GRID1: variants seen among roughly 807,000 people sequenced by gnomAD.
GRID1 encodes the protein glutamate ionotropic receptor delta type subunit 1.
Under a neutral mutation model 98.0 loss-of-function variants are expected in GRID1, and 28 were observed. The ratio of observed to expected loss-of-function variants is 0.29; its 90% CI spans 0.21 to 0.39. The LOEUF (loss-of-function observed/expected upper bound fraction) is 0.39, where lower values mean the gene tolerates loss of function less well. Ranked by LOEUF, GRID1 falls within the 10% of genes least tolerant of loss-of-function variation. The probability of loss-of-function intolerance (pLI) is 1.00; values close to 1 mark genes in which losing one functional copy is unlikely to be tolerated. For synonymous variants in GRID1, 553 were observed against 538.5 expected (o/e 1.03, Z -0.37); for missense variants, 1,111 against 1,340.5 (o/e 0.83, Z 2.67).
chr10:85,930,934 G>A (rs760399327), intron 4 of GRID1, among the ~76,000 whole-genome samples: 3 of 151,934 alleles, frequency 2.0e-5, no homozygotes, highest in South Asian at 2.1e-4. Flanking sequence ...CTTGACCTCC[G>A]GGATCAAGCA....
chr10:86,071,407 C>T (rs1053193696), intron 4 of GRID1, among the ~76,000 whole-genome samples: 1 of 152,216 alleles, frequency 6.6e-6, no homozygotes, highest in African/African-American at 2.4e-5. Flanking sequence ...AGTTCCTTAA[C>T]CTCTGGGTCT....
chr10:85,862,278 T>C (rs1479890674), intron 6 of GRID1, among the ~76,000 whole-genome samples: 1 of 152,210 alleles, frequency 6.6e-6, no homozygotes, highest in Non-Finnish European at 1.5e-5. Flanking sequence ...CATAAATGGG[T>C]ATTTATGCAA....
intron 2 of GRID1, among the ~76,000 whole-genome samples, chr10:86,350,608 G>A (rs1405381244): frequency 1.3e-5 from 2 of 152,160 alleles, no homozygotes; most frequent in Non-Finnish European, 2.9e-5. Context: ...ATGATGCCCA[G>A]ACAGCTCTGG....
At chr10:85,656,049 C>T (rs60073295) in intron 12 of GRID1, among the ~76,000 whole-genome samples, 3,432 of 152,210 alleles carry the variant, frequency 0.023, 115 homozygotes, top group African/African-American at 0.078. Context: ...GCTCTTCTTC[C>T]GGAGAGTTAT....
intron 5 of GRID1, among the ~76,000 whole-genome samples, chr10:85,912,350 G>T (rs546155058): frequency 6.6e-6 from 1 of 152,302 alleles, no homozygotes; most frequent in South Asian, 2.1e-4. Context: ...AGGCCTATAG[G>T]AACTGTTGGT....
intron 4 of GRID1, among the ~76,000 whole-genome samples, chr10:86,049,561 G>A (rs2131904486): frequency 6.6e-6 from 1 of 152,308 alleles, no homozygotes; most frequent in South Asian, 2.1e-4. Flanking sequence ...CCTGGATAAG[G>A]CAAAGGCTGC....
intron 8 of GRID1, among the ~76,000 whole-genome samples, chr10:85,826,030 A>G (rs1346920626): frequency 6.6e-6 from 1 of 152,222 alleles, no homozygotes; most frequent in Non-Finnish European, 1.5e-5. Context: ...GTAAGTAGAT[A>G]AATACCCGCA....
chr10:86,139,019 G>T lies in GRID1; in HGVS notation c.526C>A (p.Arg176Ser). 1 of 1,610,094 alleles carries T rather than the reference G, an allele frequency of 6.2e-7. No individual in the cohort carries two copies. Among genetic ancestry groups the T allele is most frequent in the Non-Finnish European group, 8.5e-7 (1 of 1,176,358 alleles). ...TGGTCCAGAAAGCTTTGAAGCCCAC[G>T]GATATCTGAGCAGTGAGAGAAGAGG... ...VMFYDSEYDI[R>S]GLQSFLDQAS... The change falls in exon 4 of 16, where the codon CGT becomes AGT. Residue 176 changes from arginine (R) to serine (S), a missense_variant. By Grantham distance (110) the Arg-to-Ser change is moderately radical. Coordinates refer to ENST00000327946, the MANE Select transcript of GRID1 (RefSeq NM_017551.3).
intron 5 of GRID1, among the ~76,000 whole-genome samples, chr10:85,879,973 A>G (rs1291196534): frequency 2.0e-5 from 3 of 152,242 alleles, no homozygotes; most frequent in Non-Finnish European, 4.4e-5. Context: ...ACAAATTACC[A>G]TCAGAGAATA....
At chr10:85,871,436 A>T (rs1801396712) in intron 5 of GRID1, among the ~76,000 whole-genome samples, 1 of 152,170 alleles carries the variant, frequency 6.6e-6, no homozygotes, top group South Asian at 2.1e-4. Flanking sequence ...ATAAGCCAAC[A>T]ATTTCAGTGA....
At chr10:85,771,273 G>A (rs573136034) in intron 8 of GRID1, among the ~76,000 whole-genome samples, 1 of 152,212 alleles carries the variant, frequency 6.6e-6, no homozygotes, top group Non-Finnish European at 1.5e-5. Context: ...AGCAAATGCT[G>A]AGAGATTTTG....
chr10:85,635,375 C>G (rs577038405), intron 13 of GRID1, among the ~76,000 whole-genome samples: 11 of 152,290 alleles, frequency 7.2e-5, no homozygotes, highest in African/African-American at 2.6e-4. Context: ...TCTAGTAAGA[C>G]TGACTCTGCC....
chr10:86,308,019 C>T (rs539945818), intron 2 of GRID1, among the ~76,000 whole-genome samples: 2 of 152,310 alleles, frequency 1.3e-5, no homozygotes, highest in African/African-American at 2.4e-5. Context: ...TCTCATACAA[C>T]TGTAGGTTTA....
intron 2 of GRID1, among the ~76,000 whole-genome samples, chr10:86,230,572 A>G (rs1232473668): frequency 6.6e-6 from 1 of 152,174 alleles, no homozygotes; most frequent in Non-Finnish European, 1.5e-5. Flanking sequence ...GGAAACATGC[A>G]TTTCTTTCTG....
chr10:86,064,745 C>A (rs1419094880), intron 4 of GRID1, among the ~76,000 whole-genome samples: 1 of 152,214 alleles, frequency 6.6e-6, no homozygotes, highest in East Asian at 1.9e-4. Flanking sequence ...CCTCACACTT[C>A]CCCACTCAGA....
intron 4 of GRID1, among the ~76,000 whole-genome samples, chr10:86,087,697 A>C (rs1032762870): frequency 6.6e-6 from 1 of 152,008 alleles, no homozygotes; most frequent in Admixed American, 6.5e-5. Context: ...CCCTGTCCAC[A>C]CAATCTCCCA....
chr10:86,353,009 C>G (rs1165747172), intron 2 of GRID1, among the ~76,000 whole-genome samples: 1 of 152,214 alleles, frequency 6.6e-6, no homozygotes, highest in Non-Finnish European at 1.5e-5. Context: ...TGGATGATCT[C>G]TGAGAGCCCT....
intron 13 of GRID1, among the ~76,000 whole-genome samples, chr10:85,642,050 A>C (rs990820887): frequency 8.5e-5 from 13 of 152,180 alleles, no homozygotes; most frequent in Non-Finnish European, 8.8e-5. Flanking sequence ...AGCTACAGGC[A>C]ATGTCCCTGG....
intron 12 of GRID1, among the ~76,000 whole-genome samples, chr10:85,706,107 G>T (rs1282476750): frequency 6.6e-6 from 1 of 152,164 alleles, no homozygotes; most frequent in Non-Finnish European, 1.5e-5. Context: ...GGAAGTTCTG[G>T]CCAGGGCAAT....
Sources: gnomAD v4.1 joint callset for allele counts (sites outside exome capture counted in the v4.1 genomes callset) on GRCh38, gnomAD v4.1.1 for gene constraint, MANE v1.5 for transcripts, NCBI Gene and HGNC (gene_info 2026-07-23, HGNC 2026-07-21) for gene names.